LARGE1: variants seen among roughly 807,000 people sequenced by gnomAD.
The protein encoded by LARGE1 is LARGE xylosyl- and glucuronyltransferase 1, also known as xylosyl- and glucuronyltransferase LARGE1.
In LARGE1, 43 loss-of-function variants were observed where a neutral mutation model predicts 87.6. The ratio of observed to expected loss-of-function variants is 0.49; its 90% CI spans 0.38 to 0.63. The LOEUF is 0.63. LARGE1 is among the 30% of genes least tolerant of loss of function. The probability of loss-of-function intolerance (pLI) is 0.00; values close to 1 mark genes in which losing one functional copy is unlikely to be tolerated. For missense variants in LARGE1, 802 were observed against 1,000.2 expected, an observed-to-expected ratio of 0.80 and a Z score of 2.67; for synonymous variants, 434 against 394.6, an observed-to-expected ratio of 1.10 and a Z score of -1.18.
intron 1 of LARGE1, among the ~76,000 whole-genome samples, chr22:33,867,368 G>T (rs568437334): frequency 1.3e-5 from 2 of 152,256 alleles, no homozygotes; most frequent in Admixed American, 6.5e-5. Flanking sequence ...CATCCTGTGG[G>T]CTGGGACTGT....
chr22:33,857,715 G>C (rs1276047382), intron 1 of LARGE1, among the ~76,000 whole-genome samples: 1 of 152,162 alleles, frequency 6.6e-6, no homozygotes, highest in African/African-American at 2.4e-5. Context: ...CTGGGCTTGA[G>C]AAAAAATGAC....
chr22:33,210,379 T>C (rs1924898154), intron 11 of LARGE1, among the ~76,000 whole-genome samples: 2 of 152,130 alleles, frequency 1.3e-5, no homozygotes, highest in Admixed American at 6.5e-5. Flanking sequence ...CTCTGAAAAA[T>C]GGCAAGAGAA....
At chr22:33,176,339 A>G (rs1356169139) in intron 11 of LARGE1, among the ~76,000 whole-genome samples, 1 of 152,236 alleles carries the variant, frequency 6.6e-6, no homozygotes, top group Non-Finnish European at 1.5e-5. Flanking sequence ...CTGCACAGCA[A>G]AAGAAACTAT....
intron 11 of LARGE1, among the ~76,000 whole-genome samples, chr22:33,244,010 G>A (rs145332077): frequency 1.3e-4 from 20 of 152,010 alleles, no homozygotes; most frequent in African/African-American, 4.3e-4. Context: ...TTGTTTTGAG[G>A]CGGAGTCTTG....
intron 4 of LARGE1, among the ~76,000 whole-genome samples, chr22:33,605,886 A>G (rs1203337031): frequency 1.3e-5 from 2 of 152,198 alleles, no homozygotes; most frequent in Non-Finnish European, 2.9e-5. Flanking sequence ...GCAGCAGCCA[A>G]TTCTGACAGG....
intron 3 of LARGE1, among the ~76,000 whole-genome samples, chr22:33,641,880 T>C (rs1012167433): frequency 2.0e-5 from 3 of 152,176 alleles, no homozygotes; most frequent in Admixed American, 6.5e-5. Flanking sequence ...TATGGGACTA[T>C]GTGAAAAGAA....
intron 6 of LARGE1, among the ~76,000 whole-genome samples, chr22:33,528,029 A>G (rs1170802924): frequency 6.6e-6 from 1 of 151,482 alleles, no homozygotes; most frequent in African/African-American, 2.4e-5. Flanking sequence ...GAAAGATTAA[A>G]CGAGAAAAAA....
intron 11 of LARGE1, among the ~76,000 whole-genome samples, chr22:33,230,972 A>G (rs866234124): frequency 5.9e-5 from 9 of 152,236 alleles, no homozygotes; most frequent in East Asian, 5.8e-4. Context: ...TAATCTTTCA[A>G]TTGTCCCAGA....
intron 9 of LARGE1, among the ~76,000 whole-genome samples, chr22:33,366,671 C>A (rs1224431691): frequency 2.6e-5 from 4 of 152,190 alleles, no homozygotes; most frequent in Non-Finnish European, 4.4e-5. Flanking sequence ...GACTTTGCTT[C>A]TCTTTCGTCT....
chr22:33,743,321 G>C (rs1022985274), intron 2 of LARGE1: 1 of 152,110 alleles, frequency 6.6e-6, no homozygotes, highest in Admixed American at 6.5e-5. Flanking sequence ...TCAGATCTTT[G>C]ATCAGCTATC....
At chr22:33,920,771 C>G (rs1375687087), upstream of LARGE1, among the ~76,000 whole-genome samples, 4 of 145,020 alleles carry the variant, frequency 2.8e-5, no homozygotes, top group African/African-American at 9.9e-5. Flanking sequence ...CCGCCGCCTC[C>G]GAGATGCGCC....
At chr22:33,428,165 A>C (rs1471662093) in intron 7 of LARGE1, among the ~76,000 whole-genome samples, 1 of 152,128 alleles carries the variant, frequency 6.6e-6, no homozygotes, top group Non-Finnish European at 1.5e-5. Context: ...CCAGTCGGTA[A>C]ATCTCATTCC....
the LARGE1 span, among the ~76,000 whole-genome samples, chr22:33,123,251 C>T: frequency 1.3e-5 from 2 of 152,218 alleles, no homozygotes; most frequent in East Asian, 1.9e-4. Context: ...TCCCCATTTT[C>T]CTTTCTTTTT....
chr22:33,170,301 G>A (rs1033047325), intron 11 of LARGE1, among the ~76,000 whole-genome samples: 2 of 152,072 alleles, frequency 1.3e-5, no homozygotes, highest in African/African-American at 4.8e-5. Context: ...CCCAGGAGAT[G>A]GAGGTTATAG....
At chr22:33,686,659 A>G (rs940559978) in intron 2 of LARGE1, among the ~76,000 whole-genome samples, 7 of 152,038 alleles carry the variant, frequency 4.6e-5, no homozygotes, top group Non-Finnish European at 7.4e-5. Context: ...TTGGCCTATC[A>G]TGGCCTAGAC....
chr22:33,691,506 C>T lies in LARGE1; in HGVS notation c.107-40838G>A, dbSNP rs184753582. The stretch of plus-strand genomic sequence containing the variant: ...ATATTGACTGCACAGTAAGAAACTA[C>T]GCAAGCTCAAGACTGGAATATGGCT... On this transcript the variant is annotated intron_variant, in intron 2 of 14. Transcript: ENST00000397394. 7.9e-3 allele frequency among the ~76,000 whole-genome samples: 1,201 copies of T among 152,206 alleles called. 10 individuals are homozygous for T. Among genetic ancestry groups the T allele is most frequent in the Non-Finnish European group, 0.015 (995 of 68,014 alleles).
intron 2 of LARGE1, among the ~76,000 whole-genome samples, chr22:33,714,401 C>T (rs1158903949): frequency 2.6e-5 from 4 of 152,162 alleles, no homozygotes; most frequent in African/African-American, 9.7e-5. Flanking sequence ...CCTCACTAAG[C>T]CTGAGGCCTC....
intron 6 of LARGE1, among the ~76,000 whole-genome samples, chr22:33,482,058 T>C (rs574525242): frequency 6.6e-6 from 1 of 152,312 alleles, no homozygotes; most frequent in South Asian, 2.1e-4. Context: ...CTCCACAAAC[T>C]AGCTCTTAAA....
intron 3 of LARGE1, among the ~76,000 whole-genome samples, chr22:33,646,893 A>AT (rs1470617262): frequency 1.3e-5 from 2 of 151,988 alleles, no homozygotes; most frequent in South Asian, 2.1e-4. Flanking sequence ...ACGCCCAGCT[A>AT]TTTTTTTGTA....
Sources: allele counts gnomAD v4.1 joint callset (sites outside exome capture counted in the v4.1 genomes callset), GRCh38; gene constraint gnomAD v4.1.1; transcripts MANE v1.5; gene names NCBI Gene and HGNC (gene_info 2026-07-23, HGNC 2026-07-21).